SUPT3H: variants seen among roughly 807,000 people sequenced by gnomAD.
SUPT3H encodes SPT3 homolog, SAGA and STAGA complex component.
In SUPT3H, 44 loss-of-function variants were observed where a neutral mutation model predicts 44.3. The observed-to-expected ratio is 0.99, with a 90% CI of 0.78 to 1.28. The LOEUF (loss-of-function observed/expected upper bound fraction) is 1.28. SUPT3H is among the 50% of genes most tolerant of loss of function. SUPT3H has a pLI of 0.00. For synonymous variants in SUPT3H, 124 were observed against 125.6 expected (o/e 0.99, Z 0.09); for missense variants, 380 against 387.1 (o/e 0.98, Z 0.15).
At chr6:45,194,551 G>C (rs749442252) in intron 2 of SUPT3H, among the ~76,000 whole-genome samples, 2 of 152,020 alleles carry the variant, frequency 1.3e-5, no homozygotes, top group Non-Finnish European at 2.9e-5. Context: ...TGACTAAATT[G>C]GTTGAAGTAA....
chr6:44,969,130 T>C (rs1777196345), intron 6 of SUPT3H, among the ~76,000 whole-genome samples: 1 of 152,226 alleles, frequency 6.6e-6, no homozygotes, highest in South Asian at 2.1e-4. Flanking sequence ...TTCTTCTAGA[T>C]AGTATTATAC....
intron 3 of SUPT3H, among the ~76,000 whole-genome samples, chr6:45,096,864 C>T (rs1442995375): frequency 6.6e-6 from 1 of 151,954 alleles, no homozygotes; most frequent in Non-Finnish European, 1.5e-5. Context: ...ACAGCTTCAC[C>T]TACTTCGAGG....
intron 2 of SUPT3H, among the ~76,000 whole-genome samples, chr6:45,281,738 G>C (rs543160113): frequency 2.0e-5 from 3 of 152,098 alleles, no homozygotes; most frequent in East Asian, 1.9e-4. Flanking sequence ...GCTTTGAAGA[G>C]AGTGGTTCTC....
chr6:45,343,861 T>C (rs1335571965), intron 2 of SUPT3H, among the ~76,000 whole-genome samples: 3 of 152,178 alleles, frequency 2.0e-5, no homozygotes, highest in Non-Finnish European at 4.4e-5. Flanking sequence ...AAAATCATGC[T>C]TTTAATAACC....
chr6:45,241,108 T>G (rs1456538222), intron 2 of SUPT3H, among the ~76,000 whole-genome samples: 3 of 152,190 alleles, frequency 2.0e-5, no homozygotes, highest in African/African-American at 7.2e-5. Context: ...AGTCTGCAGA[T>G]GCAGATCCCG....
intron 8 of SUPT3H, among the ~76,000 whole-genome samples, chr6:44,953,882 G>A (rs1441727331): frequency 2.0e-5 from 3 of 151,990 alleles, no homozygotes; most frequent in Non-Finnish European, 2.9e-5. Flanking sequence ...ACAGGTGCCC[G>A]CCACCATGCC....
chr6:45,083,693 G>C (rs1796120247), intron 3 of SUPT3H, among the ~76,000 whole-genome samples: 1 of 150,788 alleles, frequency 6.6e-6, no homozygotes, highest in African/African-American at 2.4e-5. Flanking sequence ...GACTTCATAA[G>C]GGTACAGTAA....
At chr6:45,361,022 A>G (rs138700388) in intron 2 of SUPT3H, among the ~76,000 whole-genome samples, 1 of 152,184 alleles carries the variant, frequency 6.6e-6, no homozygotes, top group Non-Finnish European at 1.5e-5. Context: ...CCTGTAGTCC[A>G]AGCTACTCAG....
intron 10 of SUPT3H, among the ~76,000 whole-genome samples, chr6:44,858,258 T>C (rs1268929210): frequency 6.6e-6 from 1 of 152,214 alleles, no homozygotes; most frequent in African/African-American, 2.4e-5. Context: ...TAAATATTCA[T>C]TGAACAAACA....
intron 10 of SUPT3H, among the ~76,000 whole-genome samples, chr6:44,916,552 G>C (rs1767831687): frequency 6.6e-6 from 1 of 152,126 alleles, no homozygotes. Context: ...TTGGTAAAGA[G>C]AACATATTAT....
intron 2 of SUPT3H, among the ~76,000 whole-genome samples, chr6:45,316,637 A>G (rs1030423248): frequency 1.3e-5 from 2 of 152,176 alleles, no homozygotes; most frequent in South Asian, 2.1e-4. Flanking sequence ...ATACTATTCA[A>G]AAAAGAAATT....
rs141276755 is a variant in SUPT3H at position 45,280,103 on chromosome 6, T to C, written c.101+85098A>G. ...AATCTAATCATGTCTCACCATCTCT[T>C]CTACTGCAAAAATATGTATGTCTAA... is the stretch of plus-strand genomic sequence containing the variant. On this transcript the variant is annotated intron_variant, in intron 2 of 10. Coordinates refer to ENST00000371459, the MANE Select transcript of SUPT3H (RefSeq NM_003599.4). 2.2e-3 allele frequency among the ~76,000 whole-genome samples: 333 copies of C among 152,296 alleles called. 1 individual carries two copies. The highest frequency in any genetic ancestry group is 7.5e-3 in the African/African-American group (311 of 41,568).
chr6:45,234,613 G>T (rs932186953), intron 2 of SUPT3H, among the ~76,000 whole-genome samples: 10 of 151,734 alleles, frequency 6.6e-5, no homozygotes, highest in Non-Finnish European at 1.3e-4. Context: ...TTATTATTGG[G>T]CTGAACAAAT....
At chr6:45,272,866 T>C (rs749765190) in intron 2 of SUPT3H, among the ~76,000 whole-genome samples, 6 of 152,194 alleles carry the variant, frequency 3.9e-5, no homozygotes, top group Admixed American at 2.6e-4. Context: ...CCAAAAAAAC[T>C]GTTGCCATGA....
chr6:45,062,511 G>A (rs1020944317), intron 3 of SUPT3H, among the ~76,000 whole-genome samples: 27 of 152,290 alleles, frequency 1.8e-4, no homozygotes, highest in African/African-American at 3.4e-4. Context: ...CGTGAGCGAC[G>A]CAGAAGACGG....
At chr6:44,965,398 GTACTAA>G (rs1776633699) in intron 6 of SUPT3H, among the ~76,000 whole-genome samples, 1 of 152,260 alleles carries the variant, frequency 6.6e-6, no homozygotes, top group Admixed American at 6.5e-5. Context: ...TGGAAGCACT[GTACTAA>G]TACTAATGTC....
At chr6:44,910,696 TAAAA>T (rs11346126) in intron 10 of SUPT3H, among the ~76,000 whole-genome samples, 1 of 147,656 alleles carries the variant, frequency 6.8e-6, no homozygotes, top group African/African-American at 2.5e-5. Context: ...TCTTTCAAAT[TAAAA>T]AAAAAAAAGG....
At chr6:45,037,465 G>A (rs1408557840) in intron 3 of SUPT3H, among the ~76,000 whole-genome samples, 3 of 150,676 alleles carry the variant, frequency 2.0e-5, no homozygotes, top group Non-Finnish European at 4.4e-5. Context: ...TGGCCGATAT[G>A]GTGAAACCCT....
chr6:45,085,980 T>C (rs192641406), intron 3 of SUPT3H, among the ~76,000 whole-genome samples: 1 of 152,260 alleles, frequency 6.6e-6, no homozygotes, highest in African/African-American at 2.4e-5. Flanking sequence ...AAATGTTTGA[T>C]CTTTAGGTAT....
Sources: allele counts gnomAD v4.1 joint callset (sites outside exome capture counted in the v4.1 genomes callset), GRCh38; gene constraint gnomAD v4.1.1; transcripts MANE v1.5; gene names NCBI Gene and HGNC (gene_info 2026-07-23, HGNC 2026-07-21).